KLC4: variants seen among roughly 807,000 people sequenced by gnomAD.
KLC4 encodes the protein kinesin light chain 4, also known as kinesin-like protein 8.
In KLC4, 49 loss-of-function variants were observed where a neutral mutation model predicts 77.2. The ratio of observed to expected loss-of-function variants is 0.63; its 90% confidence interval spans 0.50 to 0.80. The LOEUF (loss-of-function observed/expected upper bound fraction) is 0.80, where lower values mean the gene tolerates loss of function less well. Among genes scored for constraint, KLC4 ranks in the 30% least tolerant of loss-of-function variants. The pLI, the probability that KLC4 is intolerant of heterozygous loss-of-function variation, is 0.00. For missense variants in KLC4, 669 were observed against 793.5 expected (o/e 0.84, Z 1.89); for synonymous variants, 274 against 314.5 (o/e 0.87, Z 1.36).
intron 3 of KLC4, among the ~76,000 whole-genome samples, chr6:43,063,523 C>G (rs1212844349): frequency 6.6e-6 from 1 of 151,972 alleles, no homozygotes; most frequent in Admixed American, 6.6e-5. Context: ...TTGAGCATGA[C>G]CCTCCTAAAA....
Position 43,061,492 on chromosome 6 carries a change from T to A in KLC4, c.157T>A (p.Cys53Ser). The A allele has an allele frequency of 6.2e-7, 1 of 1,614,008 alleles. No homozygotes were observed. The highest frequency in any genetic ancestry group is 8.5e-7 in the Non-Finnish European group (1 of 1,179,974). The part of the protein sequence containing the change: ...VLQSLSQTIE[C>S]LQQGGHEEGL... ...GCAAAGCCTGTCCCAGACCATTGAGTGTCTGCAGCAGGGAGGCCATGAGGA... is the reference window on the plus strand; with the variant it reads ...GCAAAGCCTGTCCCAGACCATTGAGAGTCTGCAGCAGGGAGGCCATGAGGA... The change falls in exon 2 of 16, where the codon TGT becomes AGT. Residue 53 changes from cysteine (C) to serine (S), a missense_variant. Coordinates refer to ENST00000347162, the MANE Select transcript of KLC4 (RefSeq NM_201521.3).
chr6:43,071,033 A>G (rs1198935286), intron 8 of KLC4, among the ~76,000 whole-genome samples, 168 bp downstream of exon 8: 1 of 151,948 alleles, frequency 6.6e-6, no homozygotes, highest in Non-Finnish European at 1.5e-5. Flanking sequence ...GCCTTTGCGG[A>G]TGAAGGATCT....
In KLC4 at chr6:43,070,885, G is replaced by A. The variant is rs111663319; in HGVS notation, c.1155+20G>A. 1.3e-5 allele frequency: 16 copies of A among 1,208,654 alleles called. No individual in the cohort carries two copies. In the African/African-American group the frequency reaches 2.1e-4, roughly 16 times the overall value. The allele number at this position is 1,208,654 out of a possible 1,614,324, so 74.9% of individuals were successfully genotyped here. ...AACCTGGTATGGGAGGAGGGACAAA[G>A]TAGGTGGAAGAAACGGAGAGGGGGG... On this transcript the variant is annotated intron_variant, in intron 8 of 15. Coordinates refer to ENST00000347162, the MANE Select transcript of KLC4 (RefSeq NM_201521.3).
At position 43,072,971 on chromosome 6, in the gene KLC4, CTGATCAT is replaced by C. The variant is rs781402896; in HGVS notation, c.1629+10_1629+16del. The C allele has an allele frequency of 7.0e-6, 11 of 1,579,206 alleles. No individual in the cohort carries two copies. The African/African-American group carries it at 1.4e-4, about 19-fold the overall frequency. On this transcript the variant is annotated splice_region_variant and intron_variant, in intron 13 of 15. Transcript: ENST00000347162. ...GGCTGTGGAGTGGTCCGGGGTAAGT[CTGATCAT>C]TGCCTTTTCATCTCTCCTGCCCACT...
At chr6:43,070,609 T>G in intron 7 of KLC4, 83 bp from the exon 8 acceptor site, 2 of 1,485,088 alleles carry the variant, frequency 1.3e-6, no homozygotes, top group Middle Eastern at 1.8e-4. Flanking sequence ...TTTCCACATG[T>G]GTGTGCCTAC....
At chr6:43,066,021 G>T (rs1765403367) in intron 4 of KLC4, among the ~76,000 whole-genome samples, 2 of 152,186 alleles carry the variant, frequency 1.3e-5, no homozygotes, top group Admixed American at 1.3e-4. Flanking sequence ...GCCCCCCAAG[G>T]GAAAGAACCA....
At chr6:43,073,055 T>TATCTCTGGGAGCCAGTTTTTGTA (rs1765807510) in intron 13 of KLC4, 91 bp downstream of exon 13, 4 of 1,479,708 alleles carry the variant, frequency 2.7e-6, no homozygotes, top group Admixed American at 2.3e-5. Flanking sequence ...GTCTAGGTAG[T>TATCTCTGGGAGCCAGTTTTTGTA]GTATTCCTTC....
intron 4 of KLC4, among the ~76,000 whole-genome samples, chr6:43,065,997 CAG>C (rs1765402433): frequency 6.6e-6 from 1 of 152,230 alleles, no homozygotes; most frequent in Non-Finnish European, 1.5e-5. Flanking sequence ...AAACCTGAGA[CAG>C]GGAGACCATG....
chr6:43,070,913 CAGAGGTGGGG>C, intron 8 of KLC4, 48 bp downstream of exon 8: 1 of 939,214 alleles, frequency 1.1e-6, no homozygotes, highest in Admixed American at 6.6e-5. Flanking sequence ...GAGGGGGGCA[CAGAGGTGGGG>C]GGAGGGGGGG....
intron 6 of KLC4, among the ~76,000 whole-genome samples, chr6:43,067,954 T>A: frequency 1.0e-5 from 1 of 98,476 alleles, no homozygotes; most frequent in Admixed American, 1.0e-4. Flanking sequence ...CTACTAAAAA[T>A]ACAAAAAATT....
chr6:43,063,245 C>A lies in KLC4; in HGVS notation c.489+98C>A, dbSNP rs539122466. 3.6e-5 allele frequency: 31 copies of A among 854,398 alleles called. No individual in the cohort carries two copies. The African/African-American group carries it at 4.7e-4, about 13-fold the overall frequency. 52.9% of individuals were successfully genotyped at this position (854,398 alleles called of 1,614,324 possible). A position where few individuals can be genotyped will look rare whatever the true frequency, so the allele number is the denominator to read the frequency against. ...CCATCATCCTCAGGGTCCATCAGCT[C>A]TACCCAACCTGCTCTCACCTGAAAG... is the stretch of plus-strand genomic sequence containing the variant. On this transcript the variant is annotated intron_variant, in intron 3 of 15. Transcript: ENST00000347162.
chr6:43,060,589 C>T, intron 1 of KLC4: 2 of 1,213,730 alleles, frequency 1.6e-6, no homozygotes, highest in South Asian at 1.6e-5. Flanking sequence ...CAGCCAGGGC[C>T]TCTGCTCTGT....
At chr6:43,059,887 A>C in intron 1 of KLC4, 1 of 1,214,310 alleles carries the variant, frequency 8.2e-7, no homozygotes, top group Non-Finnish European at 1.0e-6. Context: ...TGCGCCACCG[A>C]CTGACTCAGT....
intron 3 of KLC4, among the ~76,000 whole-genome samples, chr6:43,063,576 G>A (rs1003149481): frequency 1.4e-4 from 20 of 147,604 alleles, no homozygotes; most frequent in African/African-American, 4.8e-4. Flanking sequence ...TTTTTGAGAC[G>A]GAGTTTCACA....
rs1223629883 is a variant in KLC4 at position 43,063,564 on chromosome 6, T to TC, written c.489+417_489+418insC. 2.0e-4 allele frequency among the ~76,000 whole-genome samples: 30 copies of TC among 152,122 alleles called. 1 individual carries two copies. The highest frequency in any genetic ancestry group is 1.3e-3 in the Admixed American group (20 of 15,270). ...TTTCAAAATGTGTGAATTTTTTTTT[T>TC]TTTTTTGAGACGGAGTTTCACACTT... On this transcript the variant is annotated intron_variant, in intron 3 of 15. Coordinates refer to ENST00000347162, the MANE Select transcript of KLC4 (RefSeq NM_201521.3).
At chr6:43,066,853 G>A (rs934755131) in intron 5 of KLC4, 143 bp from the exon 6 acceptor site, 72 of 1,215,398 alleles carry the variant, frequency 5.9e-5, no homozygotes, top group Admixed American at 3.4e-4. Flanking sequence ...TGTCAGTGAA[G>A]CCCCCTTACT....
chr6:43,062,608 A>G (rs1391195532), intron 2 of KLC4: 2 of 411,686 alleles, frequency 4.9e-6, no homozygotes, highest in Non-Finnish European at 9.1e-6. Flanking sequence ...GATGTGGTCT[A>G]ACTTGGCATC....
At chr6:43,060,056 C>T in intron 1 of KLC4, 2 of 1,512,456 alleles carry the variant, frequency 1.3e-6, no homozygotes, top group South Asian at 1.3e-5. Flanking sequence ...CGTTTCCAGG[C>T]CCAGGAGACC....
chr6:43,065,679 G>C lies in KLC4; in HGVS notation c.549G>C (p.Glu183Asp). 6.2e-7 allele frequency: 1 copy of C among 1,613,438 alleles called. No individual in the cohort carries two copies. Among genetic ancestry groups the C allele is most frequent in the South Asian group, 1.1e-5 (1 of 91,064 alleles). ...TGGATGACCTCTTTCCTAATGAGGA[G>C]GAAGAGGACCCCAGCAATGGCTGTG... ...DSLDDLFPNE[E>D]EEDPSNGLSR... The change falls in exon 4 of 16, where the codon GAG becomes GAC. Residue 183 changes from glutamate (E) to aspartate (D), a missense_variant. Coordinates refer to ENST00000347162, the MANE Select transcript of KLC4 (RefSeq NM_201521.3).
Sources: gnomAD v4.1 joint callset for allele counts (sites outside exome capture counted in the v4.1 genomes callset) on GRCh38, gnomAD v4.1.1 for gene constraint, MANE v1.5 for transcripts, NCBI Gene and HGNC (gene_info 2026-07-23, HGNC 2026-07-21) for gene names.